B3GALT1: variants seen among roughly 807,000 people sequenced by gnomAD.
B3GALT1 encodes UDP-Gal:betaGlcNAc beta 1,3-galactosyltransferase, polypeptide 1.
In B3GALT1, 10 loss-of-function variants were observed where a neutral mutation model predicts 23.2. The ratio of observed to expected loss-of-function variants is 0.43; its 90% CI spans 0.27 to 0.73. B3GALT1 has a LOEUF of 0.73. Among genes scored for constraint, B3GALT1 ranks in the 30% least tolerant of loss-of-function variants. B3GALT1 has a pLI of 0.21. For synonymous variants in B3GALT1, 156 were observed against 141.5 expected (o/e 1.10, Z -0.73); for missense variants, 299 against 405.4 (o/e 0.74, Z 2.25).
chr2:167,644,552 G>A (rs181704507), intron 2 of B3GALT1, among the ~76,000 whole-genome samples: 340 of 152,134 alleles, frequency 2.2e-3, no homozygotes, highest in Non-Finnish European at 2.8e-3. Context: ...AGGCTAAGGC[G>A]GGTGGATCAC....
chr2:167,451,584 C>T (rs1474456063), intron 1 of B3GALT1, among the ~76,000 whole-genome samples: 1 of 152,208 alleles, frequency 6.6e-6, no homozygotes, highest in Admixed American at 6.5e-5. Context: ...TCAGCACCCC[C>T]TCCGGTGGAG....
At chr2:167,469,288 C>G (rs1424326579) in intron 1 of B3GALT1, among the ~76,000 whole-genome samples, 1 of 152,126 alleles carries the variant, frequency 6.6e-6, no homozygotes, top group Non-Finnish European at 1.5e-5. Flanking sequence ...GCCTCAGTTT[C>G]TCATCTGTGA....
chr2:167,769,346 T>C (rs1392994445), intron 3 of B3GALT1, among the ~76,000 whole-genome samples: 3 of 152,196 alleles, frequency 2.0e-5, no homozygotes, highest in African/African-American at 7.2e-5. Flanking sequence ...ACCAAGGAAG[T>C]CTTATGCTGA....
At chr2:167,565,584 G>A (rs1342807143) in intron 2 of B3GALT1, among the ~76,000 whole-genome samples, 1 of 152,118 alleles carries the variant, frequency 6.6e-6, no homozygotes, top group Admixed American at 6.5e-5. Context: ...TACAAAATGG[G>A]AGACAATTTT....
At chr2:167,438,722 A>G (rs1417469389) in intron 1 of B3GALT1, among the ~76,000 whole-genome samples, 1 of 152,208 alleles carries the variant, frequency 6.6e-6, no homozygotes, top group Non-Finnish European at 1.5e-5. Context: ...GAAATAATTA[A>G]GCATATACTG....
At chr2:167,566,738 G>T (rs1284378912) in intron 2 of B3GALT1, among the ~76,000 whole-genome samples, 1 of 152,112 alleles carries the variant, frequency 6.6e-6, no homozygotes, top group African/African-American at 2.4e-5. Context: ...GTCTAAAAGA[G>T]CTAATGAAGT....
At chr2:167,344,694 G>C (rs556340898) in intron 1 of B3GALT1, among the ~76,000 whole-genome samples, 1 of 152,182 alleles carries the variant, frequency 6.6e-6, no homozygotes, top group Non-Finnish European at 1.5e-5. Flanking sequence ...TGTGGCAAGC[G>C]TGAGGAAAGC....
In B3GALT1 at chr2:167,714,584, T is replaced by C. The variant is rs573397923; in HGVS notation, c.-352+67618T>C. The C allele has an allele frequency of 1.4e-5, 22 of 1,613,650 alleles. No homozygotes were observed. In the South Asian group the frequency reaches 2.0e-4, roughly 14 times the overall value. On this transcript the variant is annotated intron_variant, in intron 3 of 4. Coordinates refer to ENST00000392690, the MANE Select transcript of B3GALT1 (RefSeq NM_020981.4). The stretch of plus-strand genomic sequence containing the variant: ...AGGATCTTTTTCTAAAAGTTCAGAT[T>C]TAAACTCTGTTTCAGTTAATTTTTG...
At chr2:167,362,019 A>C (rs1697508313) in intron 1 of B3GALT1, among the ~76,000 whole-genome samples, 1 of 152,180 alleles carries the variant, frequency 6.6e-6, no homozygotes, top group Non-Finnish European at 1.5e-5. Flanking sequence ...GCTTGCAGTG[A>C]GCCGTGATCA....
At chr2:167,497,339 T>C (rs1278951748) in intron 2 of B3GALT1, among the ~76,000 whole-genome samples, 1 of 152,066 alleles carries the variant, frequency 6.6e-6, no homozygotes, top group Admixed American at 6.5e-5. Flanking sequence ...AATGAGCTAG[T>C]ATCCTAAGGG....
chr2:167,781,716 G>T (rs1166870519), intron 3 of B3GALT1, among the ~76,000 whole-genome samples: 2 of 151,954 alleles, frequency 1.3e-5, no homozygotes, highest in Admixed American at 6.6e-5. Context: ...TTGGAGGTGG[G>T]GGGTGTTGGC....
intron 2 of B3GALT1, among the ~76,000 whole-genome samples, chr2:167,645,892 G>A (rs1216077154): frequency 1.3e-5 from 2 of 151,984 alleles, no homozygotes; most frequent in Admixed American, 1.3e-4. Flanking sequence ...TGTACTTGGG[G>A]TGGGAGTGGG....
chr2:167,845,570 A>C (rs1192448016), intron 4 of B3GALT1, among the ~76,000 whole-genome samples: 1 of 152,214 alleles, frequency 6.6e-6, no homozygotes, highest in East Asian at 1.9e-4. Context: ...TCAAGGGAAC[A>C]TCCTGTGGGA....
intron 2 of B3GALT1, among the ~76,000 whole-genome samples, chr2:167,491,208 G>A (rs1019023259): frequency 4.1e-4 from 62 of 152,250 alleles, no homozygotes; most frequent in African/African-American, 1.4e-3. Flanking sequence ...GTGCTCAGCA[G>A]GTTCTGCACC....
chr2:167,335,531 G>A (rs546302238), intron 1 of B3GALT1, among the ~76,000 whole-genome samples: 1 of 152,260 alleles, frequency 6.6e-6, no homozygotes, highest in South Asian at 2.1e-4. Context: ...CTAAACAAGG[G>A]GTGGATTATT....
At chr2:167,392,115 A>G (rs1312645702) in intron 1 of B3GALT1, among the ~76,000 whole-genome samples, 1 of 151,858 alleles carries the variant, frequency 6.6e-6, no homozygotes, top group Non-Finnish European at 1.5e-5. Flanking sequence ...TCATGTGTCC[A>G]TATTTCTCTC....
intron 3 of B3GALT1, among the ~76,000 whole-genome samples, chr2:167,792,142 G>T (rs974978077): frequency 6.6e-6 from 1 of 151,950 alleles, no homozygotes; most frequent in African/African-American, 2.4e-5. Context: ...ACCTGATCAT[G>T]ATACAGGTAT....
At chr2:167,807,560 A>T (rs1180369224) in intron 3 of B3GALT1, among the ~76,000 whole-genome samples, 1 of 151,492 alleles carries the variant, frequency 6.6e-6, no homozygotes, top group Non-Finnish European at 1.5e-5. Context: ...TTCTGCCTTC[A>T]TTTCGTTATG....
intron 1 of B3GALT1, among the ~76,000 whole-genome samples, chr2:167,323,608 C>CTTTTTT (rs1371815787): frequency 1.3e-5 from 2 of 152,014 alleles, no homozygotes; most frequent in Non-Finnish European, 1.5e-5. Flanking sequence ...GAATGTGATG[C>CTTTTTT]AGCAGAAAAA....
Sources: allele counts gnomAD v4.1 joint callset (sites outside exome capture counted in the v4.1 genomes callset), GRCh38; gene constraint gnomAD v4.1.1; transcripts MANE v1.5; gene names NCBI Gene and HGNC (gene_info 2026-07-23, HGNC 2026-07-21).